Variants in PLD1 observed in about 807,000 individuals in gnomAD.
The protein encoded by PLD1 is choline phosphatase 1.
A neutral mutation model predicts 137.1 loss-of-function variants in PLD1; 112 were observed. The observed-to-expected ratio is 0.82, with a 90% CI of 0.70 to 0.96. The LOEUF is 0.96. PLD1 is among the 40% of genes least tolerant of loss of function. The pLI is 0.00. For missense variants in PLD1, 1,321 were observed against 1,342.0 expected (o/e 0.98, Z 0.24); for synonymous variants, 431 against 454.7 (o/e 0.95, Z 0.66).
intron 21 of PLD1, among the ~76,000 whole-genome samples, chr3:171,657,461 T>C (rs1382753353): frequency 6.6e-6 from 1 of 152,218 alleles, no homozygotes; most frequent in African/African-American, 2.4e-5. Context: ...TTTGCTTATG[T>C]GTTTGTTCTG....
chr3:171,797,867 A>G (rs778724787), intron 1 of PLD1, among the ~76,000 whole-genome samples: 10 of 152,044 alleles, frequency 6.6e-5, no homozygotes, highest in Non-Finnish European at 5.9e-5. Context: ...CAATCTTTAG[A>G]ATTTTTTAGA....
intron 21 of PLD1, among the ~76,000 whole-genome samples, chr3:171,648,417 GA>G (rs773057027): frequency 6.6e-6 from 1 of 152,100 alleles, no homozygotes; most frequent in Non-Finnish European, 1.5e-5. Context: ...TGTTCTTTTA[GA>G]AATAGTGTAA....
At chr3:171,809,011 G>A (rs1723998048) in intron 1 of PLD1, among the ~76,000 whole-genome samples, 1 of 151,670 alleles carries the variant, frequency 6.6e-6, no homozygotes, top group Non-Finnish European at 1.5e-5. Flanking sequence ...TTTTAGTAGA[G>A]GCGGGGTTTC....
At chr3:171,621,095 C>A (rs1733599271) in intron 23 of PLD1, among the ~76,000 whole-genome samples, 2 of 151,956 alleles carry the variant, frequency 1.3e-5, no homozygotes. Context: ...AATGAAAAAC[C>A]ACTCCTCCCT....
chr3:171,678,025 G>T (rs1447114645), intron 16 of PLD1, among the ~76,000 whole-genome samples: 3 of 151,996 alleles, frequency 2.0e-5, no homozygotes, highest in Non-Finnish European at 4.4e-5. Context: ...AACTCACAAG[G>T]TGGCACTATG....
intron 12 of PLD1, among the ~76,000 whole-genome samples, chr3:171,698,449 G>A (rs1466245075): frequency 6.6e-6 from 1 of 152,144 alleles, no homozygotes; most frequent in Non-Finnish European, 1.5e-5. Context: ...AATATTAGCA[G>A]TGAGGTCTGA....
intron 1 of PLD1, among the ~76,000 whole-genome samples, chr3:171,744,290 A>G (rs553044726): frequency 6.6e-6 from 1 of 152,296 alleles, no homozygotes; most frequent in African/African-American, 2.4e-5. Flanking sequence ...AAAGCCATGC[A>G]CCTGCTCCTC....
chr3:171,686,565 C>A, intron 16 of PLD1, 120 bp downstream of exon 16: 1 of 658,470 alleles, frequency 1.5e-6, no homozygotes, highest in Non-Finnish European at 2.8e-6. Flanking sequence ...CAATAATATA[C>A]GTAGCATAAA....
chr3:171,791,447 C>A (rs1406201659), intron 1 of PLD1, among the ~76,000 whole-genome samples: 2 of 152,222 alleles, frequency 1.3e-5, no homozygotes, highest in African/African-American at 4.8e-5. Context: ...ACACACATTT[C>A]TGGCAGTCAC....
chr3:171,645,797 T>C (rs1736150645), intron 21 of PLD1, among the ~76,000 whole-genome samples: 1 of 142,376 alleles, frequency 7.0e-6, no homozygotes, highest in Non-Finnish European at 1.5e-5. Flanking sequence ...GGCAGGAGAA[T>C]GGCGTGAACC....
chr3:171,743,872 A>G (rs1474668792), intron 1 of PLD1, among the ~76,000 whole-genome samples: 1 of 152,158 alleles, frequency 6.6e-6, no homozygotes, highest in African/African-American at 2.4e-5. Context: ...CCAGCCGAGC[A>G]CCCACTCAAT....
At chr3:171,646,541 T>C (rs1736232946) in intron 21 of PLD1, among the ~76,000 whole-genome samples, 1 of 152,110 alleles carries the variant, frequency 6.6e-6, no homozygotes, top group Non-Finnish European at 1.5e-5. Flanking sequence ...TGGCATGGAT[T>C]ATTCACTAGA....
chr3:171,753,946 G>A (rs538041351), intron 1 of PLD1, among the ~76,000 whole-genome samples: 11 of 152,204 alleles, frequency 7.2e-5, no homozygotes, highest in East Asian at 1.9e-4. Flanking sequence ...AGGCTGCTCC[G>A]TCTGCAGCTT....
At chr3:171,751,779 T>C (rs765902684) in intron 1 of PLD1, among the ~76,000 whole-genome samples, 1 of 152,156 alleles carries the variant, frequency 6.6e-6, no homozygotes, top group Admixed American at 6.5e-5. Flanking sequence ...GACAGGCGGA[T>C]CACGAGGTCA....
chr3:171,764,924 G>GAAAGGAAGGAAGGAAA (rs370464837), intron 1 of PLD1, among the ~76,000 whole-genome samples: 2 of 20,422 alleles, frequency 9.8e-5, no homozygotes, highest in Admixed American at 6.4e-4. Context: ...AAGAAAGAAA[G>GAAAGGAAGGAAGGAAA]GAAAGAAAGG....
At chr3:171,732,712 A>G (rs1465726052) in intron 6 of PLD1, among the ~76,000 whole-genome samples, 1 of 152,194 alleles carries the variant, frequency 6.6e-6, no homozygotes, top group African/African-American at 2.4e-5. Flanking sequence ...ATTCATACAA[A>G]TGCATACATA....
chr3:171,687,683 T>C, intron 14 of PLD1, 99 bp from the exon 15 acceptor site: 1 of 750,048 alleles, frequency 1.3e-6, no homozygotes, highest in Non-Finnish European at 2.2e-6. Context: ...TTACAAATGA[T>C]GGAGGTTCTA....
chr3:171,645,504 T>C (rs1406470528), intron 21 of PLD1, among the ~76,000 whole-genome samples: 1 of 152,170 alleles, frequency 6.6e-6, no homozygotes, highest in Non-Finnish European at 1.5e-5. Context: ...ACTGGACCCA[T>C]TACATTTTCC....
intron 12 of PLD1, among the ~76,000 whole-genome samples, chr3:171,699,068 A>G (rs750106815): frequency 4.4e-4 from 67 of 151,964 alleles, no homozygotes; most frequent in Non-Finnish European, 7.5e-4. Context: ...TAAATCCCAG[A>G]TCTATTTTTA....
Sources: gnomAD v4.1 joint callset for allele counts (sites outside exome capture counted in the v4.1 genomes callset) on GRCh38, gnomAD v4.1.1 for gene constraint, MANE v1.5 for transcripts, NCBI Gene and HGNC (gene_info 2026-07-23, HGNC 2026-07-21) for gene names.